The following SOS1 variants were observed in gnomAD, a reference collection of about 807,000 sequenced individuals.
SOS1 encodes son of sevenless homolog 1.
SOS1 carries 25 observed loss-of-function variants against 157.6 expected under a neutral mutation model. That is an observed-to-expected ratio of 0.16 (90% CI 0.12 to 0.22). The LOEUF is 0.22. Among genes scored for constraint, SOS1 ranks in the 10% least tolerant of loss-of-function variants. SOS1 has a pLI of 1.00. For missense variants in SOS1, 1,237 were observed against 1,599.1 expected (o/e 0.77, Z 3.86); for synonymous variants, 528 against 534.0 (o/e 0.99, Z 0.16).
At chr2:39,019,665 A>G (rs1413994287) in intron 10 of SOS1, among the ~76,000 whole-genome samples, 1 of 151,646 alleles carries the variant, frequency 6.6e-6, no homozygotes, top group Non-Finnish European at 1.5e-5. Context: ...CTAAATTTAA[A>G]TTTTTCTTTC....
At chr2:39,119,618 C>T (rs917639212) in intron 1 of SOS1, among the ~76,000 whole-genome samples, 1 of 152,184 alleles carries the variant, frequency 6.6e-6, no homozygotes, top group African/African-American at 2.4e-5. Flanking sequence ...AGAACACTTC[C>T]TAATTATACT....
intron 2 of SOS1, among the ~76,000 whole-genome samples, chr2:39,064,523 A>C (rs1267038877): frequency 6.6e-6 from 1 of 151,958 alleles, no homozygotes; most frequent in Non-Finnish European, 1.5e-5. Context: ...GGCCCATTTC[A>C]AGAATATACC....
Position 39,120,882 on chromosome 2 carries a change from G to T in SOS1, c.-460C>A, listed in dbSNP as rs1231678083. ...GTAGTTGGGACTCCGAAACGCAAGA[G>T]CCCCGGGCGGGGCGGAGCTGGGGCG... On this transcript the variant is annotated 5_prime_UTR_variant, in exon 1 of 23. Transcript: ENST00000402219. 1 of 153,378 alleles carries T rather than the reference G, an allele frequency of 6.5e-6. No homozygotes were observed. Among genetic ancestry groups the T allele is most frequent in the East Asian group, 1.9e-4 (1 of 5,172 alleles). The allele number at this position is 153,378 out of a possible 1,614,324, so 9.5% of individuals were successfully genotyped here.
chr2:39,091,813 G>A (rs765138880), intron 1 of SOS1, among the ~76,000 whole-genome samples: 1 of 152,142 alleles, frequency 6.6e-6, no homozygotes, highest in Non-Finnish European at 1.5e-5. Context: ...TTGGCAGTAT[G>A]ACAGTTGACC....
chr2:39,010,202 G>T (rs1002789963), intron 15 of SOS1, among the ~76,000 whole-genome samples: 5 of 151,880 alleles, frequency 3.3e-5, no homozygotes, highest in African/African-American at 1.2e-4. Context: ...TGTAGTTGCA[G>T]CTACTCAGGA....
At chr2:38,987,617 A>G (rs1558455908) in intron 21 of SOS1, 26 bp from the exon 22 acceptor site, 4 of 1,106,430 alleles carry the variant, frequency 3.6e-6, no homozygotes, top group South Asian at 1.3e-5. Flanking sequence ...TTTTTAAGAA[A>G]AAGTCCACAG....
chr2:39,109,198 C>T (rs1224609732), intron 1 of SOS1, among the ~76,000 whole-genome samples: 2 of 151,788 alleles, frequency 1.3e-5, no homozygotes, highest in South Asian at 2.1e-4. Context: ...GAACTTGTCT[C>T]GAAAAAATAA....
chr2:39,088,402 G>C (rs968891007), intron 1 of SOS1, among the ~76,000 whole-genome samples: 5 of 150,484 alleles, frequency 3.3e-5, no homozygotes, highest in African/African-American at 1.2e-4. Context: ...ACATTGTTGT[G>C]CAACCATCAC....
At chr2:39,092,394 G>A (rs1672627676) in intron 1 of SOS1, among the ~76,000 whole-genome samples, 1 of 152,118 alleles carries the variant, frequency 6.6e-6, no homozygotes, top group African/African-American at 2.4e-5. Context: ...ATTATTGGCT[G>A]CTTCTGAACA....
At chr2:39,104,297 A>G (rs995312555) in intron 1 of SOS1, among the ~76,000 whole-genome samples, 1 of 152,138 alleles carries the variant, frequency 6.6e-6, no homozygotes, top group Non-Finnish European at 1.5e-5. Context: ...AAATAAATAA[A>G]TAACTAATTT....
Position 39,120,325 on chromosome 2 carries a change from G to T in SOS1, c.87+11C>A. 6.4e-7 allele frequency: 1 copy of T among 1,569,868 alleles called. No individual in the cohort carries two copies. On this transcript the variant is annotated intron_variant, in intron 1 of 22. Coordinates refer to ENST00000402219, the MANE Select transcript of SOS1 (RefSeq NM_005633.4). ...CTGCGGCCGGGAAGCGGGGTCCCGC[G>T]TGCTCCTCACCTTTTTCAGCGCAGG... is the stretch of plus-strand genomic sequence containing the variant.
chr2:39,022,480 T>A, intron 10 of SOS1, 90 bp downstream of exon 10: 1 of 998,266 alleles, frequency 1.0e-6, no homozygotes, highest in East Asian at 2.4e-5. Flanking sequence ...GTTAGTTTCT[T>A]TTCTATTTTA....
At position 39,024,042 on chromosome 2, in the gene SOS1, T is replaced by C. The variant is rs1380491347; in HGVS notation, c.1170A>G (p.Ile390Met). ...TTCGTTTTGCAAGACTTTTAGAACA[T>C]ATTTTTTCCATACCACTCTGAACAT... is the stretch of plus-strand genomic sequence containing the variant. ...LLNVQSGMEK[I>M]CSKSLAKRRL... Residue 390 changes from isoleucine (I) to methionine (M), a missense_variant, in exon 9 of 23, where the codon ATA becomes ATG. Transcript: ENST00000402219. 2.5e-6 allele frequency: 4 copies of C among 1,602,998 alleles called. No homozygotes were observed. The highest frequency in any genetic ancestry group is 4.5e-5 in the East Asian group (2 of 44,702).
chr2:39,092,186 G>C (rs539125175), intron 1 of SOS1, among the ~76,000 whole-genome samples: 2 of 152,118 alleles, frequency 1.3e-5, no homozygotes, highest in South Asian at 2.1e-4. Context: ...CTATACTCTA[G>C]TCATACTGGT....
chr2:39,014,032 C>G, intron 11 of SOS1, 43 bp from the exon 12 acceptor site: 1 of 1,466,742 alleles, frequency 6.8e-7, no homozygotes, highest in Non-Finnish European at 9.5e-7. Context: ...CTAATTATAT[C>G]GAGTTATACA....
intron 1 of SOS1, among the ~76,000 whole-genome samples, chr2:39,113,097 C>T (rs571473273): frequency 2.0e-5 from 3 of 152,108 alleles, no homozygotes; most frequent in East Asian, 3.9e-4. Flanking sequence ...CTCCCTGCTC[C>T]CCAACCTACA....
Position 39,051,306 on chromosome 2 carries a change from A to G in SOS1, c.721-19T>C. On this transcript the variant is annotated intron_variant, in intron 5 of 22. Transcript: ENST00000402219. ...CTACATCCTGTTTGGGGGAAAACAC[A>G]TTAATTCAGTGAGGCTGTATTATTA... The G allele has an allele frequency of 6.2e-7, 1 of 1,603,678 alleles. No homozygotes were observed. Among genetic ancestry groups the G allele is most frequent in the South Asian group, 1.1e-5 (1 of 90,866 alleles).
At chr2:39,059,475 T>G (rs2124612172) in intron 2 of SOS1, among the ~76,000 whole-genome samples, 1 of 152,266 alleles carries the variant, frequency 6.6e-6, no homozygotes, top group Middle Eastern at 3.4e-3. Flanking sequence ...CTAATATAAT[T>G]CACTTCAAAA....
chr2:39,051,187 C>A lies in SOS1; in HGVS notation c.821G>T (p.Ser274Ile). Residue 274 changes from serine (S) to isoleucine (I), a missense_variant, in exon 6 of 23, where the codon AGT becomes ATT. By Grantham distance (142) the Ser-to-Ile change is moderately radical. Around this residue, in one of 15 missense-constraint regions of SOS1, gnomAD observed 108 missense variants for 115.3 expected, o/e 0.94. Transcript: ENST00000402219. Reference protein sequence around the residue: ...EDTVEMTDEGSPHPLVGSCFE... With the variant: ...EDTVEMTDEGIPHPLVGSCFE... ...GCAGCTTCCTACTAGTGGATGGGGA[C>A]TGCCTTCATCTGTCATTTCTACTGT... 2 of 1,613,710 alleles carry A rather than the reference C, an allele frequency of 1.2e-6. No individual in the cohort carries two copies. Among genetic ancestry groups the A allele is most frequent in the Non-Finnish European group, 1.7e-6 (2 of 1,179,672 alleles).
Sources: gnomAD v4.1 joint callset for allele counts (sites outside exome capture counted in the v4.1 genomes callset) on GRCh38, gnomAD v4.1.1 for gene constraint, gnomAD v4.1.1 regional missense constraint, MANE v1.5 for transcripts, NCBI Gene and HGNC (gene_info 2026-07-23, HGNC 2026-07-21) for gene names.